The following SORCS2 variants were observed in gnomAD, a reference collection of about 807,000 sequenced individuals.
The protein encoded by SORCS2 is sortilin related VPS10 domain containing receptor 2.
SORCS2 carries 100 observed loss-of-function variants against 141.6 expected under a neutral mutation model. That is an observed-to-expected ratio of 0.71 (90% CI 0.60 to 0.83). The LOEUF (loss-of-function observed/expected upper bound fraction) is 0.83. Among genes scored for constraint, SORCS2 ranks in the 40% least tolerant of loss-of-function variants. The probability of loss-of-function intolerance (pLI) is 0.00; values close to 1 mark genes in which losing one functional copy is unlikely to be tolerated. For missense variants in SORCS2, 1,646 were observed against 1,560.2 expected (o/e 1.05, Z -0.93); for synonymous variants, 789 against 676.9 (o/e 1.17, Z -2.57).
chr4:7,225,344 C>T (rs547146989), intron 1 of SORCS2, among the ~76,000 whole-genome samples: 2 of 152,304 alleles, frequency 1.3e-5, no homozygotes, highest in Non-Finnish European at 2.9e-5. Flanking sequence ...TGTGCTGTAC[C>T]CAGCCCTGCT....
chr4:7,559,886 G>A (rs1273886045), intron 3 of SORCS2, among the ~76,000 whole-genome samples: 2 of 152,246 alleles, frequency 1.3e-5, no homozygotes, highest in Admixed American at 6.5e-5. Flanking sequence ...GGCATGACCT[G>A]CATTCATACT....
intron 3 of SORCS2, among the ~76,000 whole-genome samples, chr4:7,552,247 C>CT (rs200681971): frequency 1.3e-5 from 2 of 152,198 alleles, no homozygotes; most frequent in East Asian, 3.9e-4. Flanking sequence ...GGGTCCTTGG[C>CT]TGTGGTATCT....
At position 7,576,941 on chromosome 4, in the gene SORCS2, T is replaced by C. The variant is rs546321472; in HGVS notation, c.648+45312T>C. ...CCGGGTTATCGCAGTCTTCTGAGAT[T>C]GCATGGGAAATGAGCAGGGTGGATA... On this transcript the variant is annotated intron_variant, in intron 3 of 26. Transcript: ENST00000507866. 2.6e-5 allele frequency among the ~76,000 whole-genome samples: 4 copies of C among 152,224 alleles called. No individual in the cohort carries two copies. In the South Asian group the frequency reaches 8.3e-4, roughly 32 times the overall value.
chr4:7,715,453 G>T, intron 17 of SORCS2, 142 bp downstream of exon 17: 3 of 1,260,630 alleles, frequency 2.4e-6, no homozygotes, highest in Non-Finnish European at 3.2e-6. Context: ...AGTTGAGGAT[G>T]CCCCACGCTC....
chr4:7,302,587 G>T (rs1207835530), intron 1 of SORCS2, among the ~76,000 whole-genome samples: 1 of 152,160 alleles, frequency 6.6e-6, no homozygotes, highest in East Asian at 1.9e-4. Flanking sequence ...TAGGCCCTGT[G>T]CCCTGACTTG....
In SORCS2 at chr4:7,470,367, A is replaced by T. The variant is rs796534168; in HGVS notation, c.549-61163A>T. Among the ~76,000 whole-genome samples, 67 of 146,944 alleles carry T rather than the reference A, an allele frequency of 4.6e-4. 1 individual carries two copies. Among genetic ancestry groups the T allele is most frequent in the African/African-American group, 1.8e-3 (67 of 36,942 alleles). On this transcript the variant is annotated intron_variant, in intron 2 of 26. Transcript: ENST00000507866. ...CTCTCACTTATCGATCCATCCATCC[A>T]TCCTTCCATCCATCCATCTATCCTT...
chr4:7,649,694 C>A (rs951115781), intron 4 of SORCS2, among the ~76,000 whole-genome samples: 1 of 151,956 alleles, frequency 6.6e-6, no homozygotes, highest in East Asian at 1.9e-4. Context: ...TAGGCCCAGG[C>A]GGGCTTCCAG....
At chr4:7,263,743 G>A (rs1714523644) in intron 1 of SORCS2, among the ~76,000 whole-genome samples, 1 of 152,182 alleles carries the variant, frequency 6.6e-6, no homozygotes, top group South Asian at 2.1e-4. Context: ...GCTGGTGTGG[G>A]GCTGGCAAGA....
chr4:7,511,432 T>C (rs111734714), intron 2 of SORCS2, among the ~76,000 whole-genome samples: 462 of 37,828 alleles, frequency 0.012, 4 homozygotes, highest in Non-Finnish European at 0.021. Context: ...AGGGGCGGGG[T>C]TGGGGAGACA....
intron 1 of SORCS2, among the ~76,000 whole-genome samples, chr4:7,381,123 G>C (rs960140555): frequency 1.3e-5 from 2 of 150,026 alleles, no homozygotes; most frequent in Non-Finnish European, 3.0e-5. Context: ...AACAATGACA[G>C]CTTCATGATG....
At chr4:7,349,423 T>A (rs1720816785) in intron 1 of SORCS2, among the ~76,000 whole-genome samples, 1 of 151,330 alleles carries the variant, frequency 6.6e-6, no homozygotes, top group Non-Finnish European at 1.5e-5. Context: ...GCCAGTGGGG[T>A]GGGTGTGGGC....
chr4:7,566,326 G>A (rs1340559076), intron 3 of SORCS2, among the ~76,000 whole-genome samples: 1 of 152,010 alleles, frequency 6.6e-6, no homozygotes, highest in African/African-American at 2.4e-5. Flanking sequence ...TAATGGTGAT[G>A]GTGATGATGT....
chr4:7,329,720 GC>G (rs1437908979), intron 1 of SORCS2, among the ~76,000 whole-genome samples: 2 of 152,194 alleles, frequency 1.3e-5, no homozygotes, highest in East Asian at 3.8e-4. Flanking sequence ...ACTTACAATG[GC>G]TCAACTTAAC....
Position 7,286,319 on chromosome 4 carries a change from C to A in SORCS2, c.480+93193C>A, listed in dbSNP as rs966083581. Among the ~76,000 whole-genome samples, 2 of 152,186 alleles carry A rather than the reference C, an allele frequency of 1.3e-5. No homozygotes were observed. The highest frequency in any genetic ancestry group is 6.5e-5 in the Admixed American group (1 of 15,282). ...TGGAGCCACCGCTGGAGAGAGCAGGCCTGTTGTGGGAGCAGCGGAAGAGCC... is the reference window on the plus strand; with the variant it reads ...TGGAGCCACCGCTGGAGAGAGCAGGACTGTTGTGGGAGCAGCGGAAGAGCC... On this transcript the variant is annotated intron_variant, in intron 1 of 26. Transcript: ENST00000507866. This position sits in a 1 kb window ranked among gnomAD's most constrained non-coding sequence, Gnocchi z 4.1.
At chr4:7,496,139 C>T (rs929095348) in intron 2 of SORCS2, among the ~76,000 whole-genome samples, 10 of 152,126 alleles carry the variant, frequency 6.6e-5, no homozygotes, top group African/African-American at 2.4e-4. Context: ...GAAGGTTCTT[C>T]TCATGCCTTG....
chr4:7,350,254 A>T (rs1353622579), intron 1 of SORCS2, among the ~76,000 whole-genome samples: 3 of 152,238 alleles, frequency 2.0e-5, no homozygotes, highest in Non-Finnish European at 2.9e-5. Context: ...AGGTGTTTGC[A>T]GCAATGTTAT....
At chr4:7,662,220 ACCCTCCCCC>A (rs1257339406) in intron 6 of SORCS2, among the ~76,000 whole-genome samples, 1 of 82,140 alleles carries the variant, frequency 1.2e-5, no homozygotes, top group African/African-American at 4.4e-5. Flanking sequence ...GTGGCTCCCC[ACCCTCCCCC>A]CCCTCCCCCA....
intron 25 of SORCS2, among the ~76,000 whole-genome samples, chr4:7,734,654 C>T (rs113615309): frequency 0.023 from 3,435 of 152,272 alleles, 145 homozygotes; most frequent in African/African-American, 0.079. Context: ...GCTGTTCAGC[C>T]CCACCCACCT....
chr4:7,453,469 G>T (rs1728627458), intron 2 of SORCS2, among the ~76,000 whole-genome samples: 1 of 142,274 alleles, frequency 7.0e-6, no homozygotes, highest in Non-Finnish European at 1.5e-5. Context: ...TCCGTGTTGG[G>T]GTCAGGCTCC....
Sources: gnomAD v4.1 joint callset for allele counts (sites outside exome capture counted in the v4.1 genomes callset) on GRCh38, gnomAD v4.1.1 for gene constraint, Gnocchi (gnomAD v3.1) non-coding constraint, MANE v1.5 for transcripts, NCBI Gene and HGNC (gene_info 2026-07-23, HGNC 2026-07-21) for gene names.